Variants in LAMC1 observed in about 807,000 individuals in gnomAD.
LAMC1 encodes the protein laminin subunit gamma 1, also known as laminin subunit gamma-1.
Under a neutral mutation model 173.6 loss-of-function variants are expected in LAMC1, and 38 were observed. The observed-to-expected ratio is 0.22, with a 90% CI of 0.17 to 0.29. The LOEUF is 0.29. Ranked by LOEUF, LAMC1 falls within the 10% of genes least tolerant of loss-of-function variation. The probability of loss-of-function intolerance (pLI) is 1.00; values close to 1 mark genes in which losing one functional copy is unlikely to be tolerated. For missense variants in LAMC1, 1,824 were observed against 2,051.8 expected (o/e 0.89, Z 2.14); for synonymous variants, 746 against 749.1 (o/e 1.00, Z 0.07).
intron 10 of LAMC1, 78 bp downstream of exon 10, chr1:183,117,801 C>T (rs1656364643): frequency 1.6e-6 from 2 of 1,279,874 alleles, no homozygotes; most frequent in Middle Eastern, 2.4e-4. Flanking sequence ...TAACTGGCCT[C>T]TAGATGTATT....
chr1:183,058,887 C>G (rs1490381587), intron 1 of LAMC1, among the ~76,000 whole-genome samples: 4 of 152,166 alleles, frequency 2.6e-5, no homozygotes, highest in African/African-American at 9.7e-5. Context: ...AAAGGAAAAG[C>G]CTGTCAGCTG....
At chr1:183,096,280 C>G (rs145863794) in intron 1 of LAMC1, among the ~76,000 whole-genome samples, 127 of 152,306 alleles carry the variant, frequency 8.3e-4, no homozygotes, top group African/African-American at 2.8e-3. Flanking sequence ...GATTTATCTT[C>G]TCCAAAATCA....
At chr1:183,075,318 G>A (rs1655098622) in intron 1 of LAMC1, among the ~76,000 whole-genome samples, 1 of 152,128 alleles carries the variant, frequency 6.6e-6, no homozygotes. Flanking sequence ...GTTTCGCCAT[G>A]TTGCCCAGGC....
chr1:183,116,381 G>A lies in LAMC1; in HGVS notation c.1329-196G>A, dbSNP rs948070868. ...AGTCCCAGCTACTCAGGAGGCTGAG[G>A]CAGGAGAATCTCTTGAACCCTGGAG... On this transcript the variant is annotated intron_variant, in intron 6 of 27. Transcript: ENST00000258341. 1.6e-4 allele frequency among the ~76,000 whole-genome samples: 24 copies of A among 152,052 alleles called. No homozygotes were observed. The East Asian group carries it at 4.5e-3, about 28-fold the overall frequency.
At chr1:183,039,030 G>A (rs1654055670) in intron 1 of LAMC1, among the ~76,000 whole-genome samples, 1 of 152,144 alleles carries the variant, frequency 6.6e-6, no homozygotes, top group Non-Finnish European at 1.5e-5. Flanking sequence ...TGGGTGAGCA[G>A]TTTTACCTGT....
At chr1:183,024,297 AG>A (rs1365962528) in intron 1 of LAMC1, among the ~76,000 whole-genome samples, 163 bp downstream of exon 1, 2 of 152,190 alleles carry the variant, frequency 1.3e-5, no homozygotes, top group African/African-American at 2.4e-5. Context: ...CTTCTTAAAT[AG>A]ATACTGCTTT....
chr1:183,054,276 C>G (rs1471792988), intron 1 of LAMC1, among the ~76,000 whole-genome samples: 1 of 152,130 alleles, frequency 6.6e-6, no homozygotes, highest in Non-Finnish European at 1.5e-5. Context: ...GAGCACTCTC[C>G]CAGTTTACGG....
chr1:183,117,940 A>G (rs533812023), intron 10 of LAMC1, 94 bp from the exon 11 acceptor site: 3 of 808,618 alleles, frequency 3.7e-6, no homozygotes, highest in African/African-American at 1.7e-5. Flanking sequence ...TTGTTAGAGC[A>G]TTGCATTGTT....
intron 1 of LAMC1, among the ~76,000 whole-genome samples, chr1:183,099,490 C>G (rs770849912): frequency 1.2e-4 from 19 of 152,146 alleles, no homozygotes; most frequent in Admixed American, 9.2e-4. Context: ...TAGTCATTAT[C>G]TTACTTGACT....
At chr1:183,083,523 G>A (rs556381959) in intron 1 of LAMC1, among the ~76,000 whole-genome samples, 93 of 152,202 alleles carry the variant, frequency 6.1e-4, no homozygotes, top group African/African-American at 2.1e-3. Context: ...ATCCCATTTG[G>A]GCTACCATCT....
At chr1:183,120,719 G>A (rs1227895021) in intron 11 of LAMC1, among the ~76,000 whole-genome samples, 2 of 152,140 alleles carry the variant, frequency 1.3e-5, no homozygotes, top group Non-Finnish European at 2.9e-5. Context: ...GCAATATAAG[G>A]TTTCCTCTGA....
chr1:183,096,083 T>C (rs1217547379), intron 1 of LAMC1, among the ~76,000 whole-genome samples: 1 of 152,204 alleles, frequency 6.6e-6, no homozygotes, highest in African/African-American at 2.4e-5. Context: ...TTTTGGGGCA[T>C]TGCAATTAGG....
In LAMC1 at chr1:183,137,741, A is replaced by G; in HGVS notation, c.4387A>G (p.Asn1463Asp). Residue 1463 changes from asparagine to aspartate, a missense_variant, in exon 26 of 28, where the codon AAT becomes GAT. Transcript: ENST00000258341. Reference sequence around the variant, plus strand: ...TACAGATCTGGATAATGAGGTGAACAATATGTTGAAGCAACTGCAGGAAGC... The same window carrying G: ...TACAGATCTGGATAATGAGGTGAACGATATGTTGAAGCAACTGCAGGAAGC... ...EVTDLDNEVN[N>D]MLKQLQEAEK... 6.2e-7 allele frequency: 1 copy of G among 1,612,848 alleles called. No homozygotes were observed. The highest frequency in any genetic ancestry group is 8.5e-7 in the Non-Finnish European group (1 of 1,179,236).
intron 1 of LAMC1, among the ~76,000 whole-genome samples, chr1:183,054,195 C>T (rs1245273392): frequency 6.6e-6 from 1 of 152,162 alleles, no homozygotes; most frequent in East Asian, 1.9e-4. Flanking sequence ...TTATTAACTA[C>T]TATGTGCTAT....
Position 183,136,483 on chromosome 1 carries a change from G to A in LAMC1, c.4212G>A (p.Lys1404=), listed in dbSNP as rs1450708046. 1 of 1,614,216 alleles carries A rather than the reference G, an allele frequency of 6.2e-7. No homozygotes were observed. Among genetic ancestry groups the A allele is most frequent in the Admixed American group, 1.7e-5 (1 of 60,024 alleles). The change falls in exon 25 of 28, where the codon AAG becomes AAA. Residue 1404 remains lysine (K), a synonymous_variant. Coordinates refer to ENST00000258341, the MANE Select transcript of LAMC1 (RefSeq NM_002293.4). ...AGACCATCACTGAAGCCAATGAAAAGACCAGAGAAGCCCAGCAGGCCCTGG... is the reference window on the plus strand; with the variant it reads ...AGACCATCACTGAAGCCAATGAAAAAACCAGAGAAGCCCAGCAGGCCCTGG... ...INQTITEANE[K]TREAQQALGS... is the part of the protein sequence containing the mutation.
chr1:183,046,013 G>A (rs1466480529), intron 1 of LAMC1, among the ~76,000 whole-genome samples: 3 of 151,508 alleles, frequency 2.0e-5, no homozygotes, highest in Non-Finnish European at 2.9e-5. Flanking sequence ...TGTCAGTTAT[G>A]TGTTTTCCTT....
intron 1 of LAMC1, among the ~76,000 whole-genome samples, chr1:183,072,275 A>G (rs929734795): frequency 6.6e-6 from 1 of 152,178 alleles, no homozygotes; most frequent in Non-Finnish European, 1.5e-5. Flanking sequence ...TCCAAAGACG[A>G]TGAGGCATGG....
chr1:183,102,190 A>G (rs955327237), intron 1 of LAMC1, among the ~76,000 whole-genome samples: 8 of 152,206 alleles, frequency 5.3e-5, no homozygotes, highest in Non-Finnish European at 1.2e-4. Context: ...ACTAGTGGGT[A>G]CGAGGAAGTG....
At chr1:183,115,974 A>G (rs1014681640) in intron 6 of LAMC1, among the ~76,000 whole-genome samples, 10 of 151,970 alleles carry the variant, frequency 6.6e-5, no homozygotes, top group Non-Finnish European at 1.3e-4. Flanking sequence ...TAAAAATACA[A>G]AAAAAATTAG....
Sources: gnomAD v4.1 joint callset for allele counts (sites outside exome capture counted in the v4.1 genomes callset) on GRCh38, gnomAD v4.1.1 for gene constraint, MANE v1.5 for transcripts, NCBI Gene and HGNC (gene_info 2026-07-23, HGNC 2026-07-21) for gene names.